ERGIC1: variants seen among roughly 807,000 people sequenced by gnomAD.
ERGIC1 encodes the protein endoplasmic reticulum-Golgi intermediate compartment protein 1.
In ERGIC1, 19 loss-of-function variants were observed where a neutral mutation model predicts 38.3. The ratio of observed to expected loss-of-function variants is 0.50; its 90% CI spans 0.35 to 0.73. ERGIC1 has a LOEUF of 0.73. Among genes scored for constraint, ERGIC1 ranks in the 30% least tolerant of loss-of-function variants. The pLI, the probability that ERGIC1 is intolerant of heterozygous loss-of-function variation, is 0.01. For synonymous variants in ERGIC1, 124 were observed against 157.6 expected, an observed-to-expected ratio of 0.79 and a Z score of 1.60; for missense variants, 294 against 389.2, an observed-to-expected ratio of 0.76 and a Z score of 2.06.
rs1041133959 is a variant in ERGIC1 at position 172,837,744 on chromosome 5, A to G, written c.20+3311A>G. 6.6e-6 allele frequency among the ~76,000 whole-genome samples: 1 copy of G among 152,212 alleles called. No individual in the cohort carries two copies. Among genetic ancestry groups the G allele is most frequent in the Non-Finnish European group, 1.5e-5 (1 of 68,040 alleles). On this transcript the variant is annotated intron_variant, in intron 1 of 9. Transcript: ENST00000393784. The surrounding 1 kb of genome is among the most constrained non-coding windows in gnomAD (Gnocchi z 4.3). ...GCAGGGGAGGGAGGCTGAGCTTTCA[A>G]TGATTTATTGTGTTTGCTTTGCTCT... is the stretch of plus-strand genomic sequence containing the variant.
chr5:172,836,002 G>A (rs192063350), intron 1 of ERGIC1, among the ~76,000 whole-genome samples: 3 of 152,308 alleles, frequency 2.0e-5, no homozygotes, highest in East Asian at 1.9e-4. Context: ...TCGTGCCACC[G>A]CCGCCCCCTG....
chr5:172,908,315 G>C (rs1277429002), intron 3 of ERGIC1, among the ~76,000 whole-genome samples: 4 of 8,360 alleles, frequency 4.8e-4, no homozygotes, highest in Non-Finnish European at 1.1e-3. Flanking sequence ...GCGGGGGGGG[G>C]GGGAGAGAGG....
intron 1 of ERGIC1, among the ~76,000 whole-genome samples, chr5:172,842,809 T>A (rs995736475): frequency 1.3e-5 from 2 of 152,240 alleles, no homozygotes; most frequent in Non-Finnish European, 2.9e-5. Context: ...TATGTCTTGT[T>A]TGGAGAAATA....
At chr5:172,848,387 A>G (rs1761329997) in intron 1 of ERGIC1, among the ~76,000 whole-genome samples, 1 of 152,146 alleles carries the variant, frequency 6.6e-6, no homozygotes, top group South Asian at 2.1e-4. Flanking sequence ...GTTTATAGAG[A>G]AGGAGCTCAC....
chr5:172,943,263 G>A (rs960409877), intron 9 of ERGIC1, among the ~76,000 whole-genome samples: 2 of 152,120 alleles, frequency 1.3e-5, no homozygotes, highest in African/African-American at 2.4e-5. Flanking sequence ...GCAGCCCATA[G>A]GAATTGTAAA....
chr5:172,912,957 A>T (rs979943262), intron 4 of ERGIC1, among the ~76,000 whole-genome samples: 3 of 151,978 alleles, frequency 2.0e-5, no homozygotes, highest in Non-Finnish European at 1.5e-5. Flanking sequence ...TTTAGTAGAG[A>T]TGGGGTTCGC....
At chr5:172,842,040 T>C (rs1310994145) in intron 1 of ERGIC1, among the ~76,000 whole-genome samples, 1 of 152,184 alleles carries the variant, frequency 6.6e-6, no homozygotes, top group African/African-American at 2.4e-5. Context: ...TAAGAATACC[T>C]AACATCAGAG....
At chr5:172,907,029 C>G (rs1763045766) in intron 3 of ERGIC1, among the ~76,000 whole-genome samples, 1 of 151,518 alleles carries the variant, frequency 6.6e-6, no homozygotes, top group African/African-American at 2.4e-5. Flanking sequence ...TGTCTGCATT[C>G]CCCCCTCACC....
At chr5:172,933,647 GC>G (rs5873345) in intron 8 of ERGIC1, 115,122 of 151,930 alleles carry the variant, frequency 0.76, 44,461 homozygotes, top group African/African-American at 0.87. Context: ...GTTCCCGGGA[GC>G]CCCTGTTTCT....
chr5:172,898,790 G>A (rs1762795505), intron 3 of ERGIC1, among the ~76,000 whole-genome samples: 1 of 152,136 alleles, frequency 6.6e-6, no homozygotes, highest in Non-Finnish European at 1.5e-5. Flanking sequence ...GGCCATGCAG[G>A]GTTCGAAGAA....
At chr5:172,925,045 C>T (rs1763619568) in intron 6 of ERGIC1, among the ~76,000 whole-genome samples, 3 of 152,044 alleles carry the variant, frequency 2.0e-5, no homozygotes, top group Non-Finnish European at 4.4e-5. Flanking sequence ...TGAGACCAGC[C>T]TTGCCAACAT....
rs62385853 is a variant in ERGIC1, at chr5:172,843,330, A to G, written c.20+8897A>G. ...GTTTTAAAATGGTAAGCCAAGGCAC[A>G]GAGCTGGAATGGGAGTGGCCCAGGA... On this transcript the variant is annotated intron_variant, in intron 1 of 9. Coordinates refer to ENST00000393784, the MANE Select transcript of ERGIC1 (RefSeq NM_001031711.3). 1.4e-3 allele frequency among the ~76,000 whole-genome samples: 207 copies of G among 152,344 alleles called. 3 individuals are homozygous for G. In the South Asian group the frequency reaches 0.019, roughly 14 times the overall value.
chr5:172,926,404 G>C lies in ERGIC1; in HGVS notation c.481-105G>C. The stretch of plus-strand genomic sequence containing the variant: ...CGCTGGAGCCCCCTTTTACACATTG[G>C]TAGGGTTCCTAGACCAGGTGGTACC... On this transcript the variant is annotated intron_variant, in intron 6 of 9. Transcript: ENST00000393784. The surrounding 1 kb of genome is among the most constrained non-coding windows in gnomAD (Gnocchi z 5.2). The C allele has an allele frequency of 1.6e-6, 2 of 1,264,940 alleles. No individual in the cohort carries two copies. The highest frequency in any genetic ancestry group is 2.3e-6 in the Non-Finnish European group (2 of 872,726). The allele number at this position is 1,264,940 out of a possible 1,614,324, so 78.4% of individuals were successfully genotyped here.
intron 9 of ERGIC1, among the ~76,000 whole-genome samples, chr5:172,944,360 CT>C (rs113635969): frequency 1.2e-3 from 168 of 146,002 alleles, no homozygotes; most frequent in Admixed American, 2.5e-3. Flanking sequence ...ATTAGTCTTC[CT>C]TTTTTTTTTT....
intron 3 of ERGIC1, 145 bp downstream of exon 3, chr5:172,897,219 A>G: frequency 3.0e-6 from 2 of 663,958 alleles, no homozygotes; most frequent in South Asian, 1.8e-5. Flanking sequence ...ACCTGAGGTC[A>G]GGAGTTGGAG....
chr5:172,844,006 C>T (rs376536377), intron 1 of ERGIC1, among the ~76,000 whole-genome samples: 5 of 152,152 alleles, frequency 3.3e-5, no homozygotes, highest in East Asian at 1.9e-4. Flanking sequence ...TGCACCTCAC[C>T]GAGCCGTGAT....
chr5:172,844,642 C>T (rs1425292394), intron 1 of ERGIC1, among the ~76,000 whole-genome samples: 19 of 152,178 alleles, frequency 1.2e-4, no homozygotes, highest in Admixed American at 1.2e-3. Context: ...CAGGCAGCCT[C>T]GGGGCCCCAT....
intron 1 of ERGIC1, among the ~76,000 whole-genome samples, chr5:172,835,723 A>G (rs1368299404): frequency 1.3e-5 from 2 of 152,198 alleles, no homozygotes; most frequent in Non-Finnish European, 2.9e-5. Flanking sequence ...CAAAGAGGAC[A>G]CTGGTCTTGG....
Position 172,880,283 on chromosome 5 carries a change from C to T in ERGIC1, c.21-8416C>T, listed in dbSNP as rs139011292. ...AACTCCTGATCTCAGGTGATCTGCC[C>T]GCTCTGGGGCTTGTTTTTATTTTTA... On this transcript the variant is annotated intron_variant, in intron 1 of 9. Transcript: ENST00000393784. Among the ~76,000 whole-genome samples, 54 of 151,928 alleles carry T rather than the reference C, an allele frequency of 3.6e-4. No homozygotes were observed. In the East Asian group the frequency reaches 5.8e-3, roughly 16 times the overall value.
Sources: gnomAD v4.1 joint callset for allele counts (sites outside exome capture counted in the v4.1 genomes callset) on GRCh38, gnomAD v4.1.1 for gene constraint, Gnocchi (gnomAD v3.1) non-coding constraint, MANE v1.5 for transcripts, NCBI Gene and HGNC (gene_info 2026-07-23, HGNC 2026-07-21) for gene names.